PTP4A1: variants seen among roughly 807,000 people sequenced by gnomAD.
PTP4A1 encodes protein tyrosine phosphatase type IVA 1.
In PTP4A1, 9 loss-of-function variants were observed where a neutral mutation model predicts 20.5. The ratio of observed to expected loss-of-function variants is 0.44; its 90% CI spans 0.26 to 0.77. The LOEUF (loss-of-function observed/expected upper bound fraction) is 0.77, where lower values mean the gene tolerates loss of function less well. PTP4A1 is among the 30% of genes least tolerant of loss of function. The pLI is 0.19. For synonymous variants in PTP4A1, 78 were observed against 67.4 expected (o/e 1.16, Z -0.77); for missense variants, 137 against 218.8 (o/e 0.63, Z 2.36).
chr6:63,551,685 C>T (rs949726635), intron 3 of PTP4A1, among the ~76,000 whole-genome samples: 1 of 149,858 alleles, frequency 6.7e-6, no homozygotes, highest in Admixed American at 6.7e-5. Context: ...ATCCCTCCCC[C>T]CTCCCCCTAC....
At chr6:63,559,813 G>GCA (rs1776856325) in intron 3 of PTP4A1, among the ~76,000 whole-genome samples, 1 of 152,132 alleles carries the variant, frequency 6.6e-6, no homozygotes, top group Non-Finnish European at 1.5e-5. Context: ...CTAGCACTTT[G>GCA]GGAGTCTGAG....
intron 1 of PTP4A1, among the ~76,000 whole-genome samples, chr6:63,574,541 T>G (rs1777724382): frequency 6.6e-6 from 1 of 152,184 alleles, no homozygotes; most frequent in African/African-American, 2.4e-5. Flanking sequence ...AGGGAATTCT[T>G]AATATAGTTC....
intron 2 of PTP4A1, among the ~76,000 whole-genome samples, chr6:63,530,316 C>G (rs529060159): frequency 6.6e-6 from 1 of 152,154 alleles, no homozygotes; most frequent in African/African-American, 2.4e-5. Flanking sequence ...CAGCTACAGA[C>G]AAAGCCAGCC....
intron 3 of PTP4A1, 148 bp from the exon 4 acceptor site, chr6:63,578,750 A>C (rs1778032081): frequency 9.0e-7 from 1 of 1,110,742 alleles, no homozygotes; most frequent in Admixed American, 3.5e-5. Flanking sequence ...GCATTTAGTC[A>C]CATTTGGTAG....
intron 3 of PTP4A1, among the ~76,000 whole-genome samples, chr6:63,563,807 C>T (rs1205496516): frequency 2.0e-5 from 3 of 152,102 alleles, no homozygotes; most frequent in Non-Finnish European, 4.4e-5. Flanking sequence ...CTCCAGTGAA[C>T]ACCATTGTTA....
chr6:63,549,189 T>C, intron 2 of PTP4A1: 1 of 692,644 alleles, frequency 1.4e-6, no homozygotes, highest in South Asian at 1.6e-5. Flanking sequence ...CTTCTCTTGC[T>C]TAGTCTCTGA....
intron 2 of PTP4A1, among the ~76,000 whole-genome samples, chr6:63,543,179 C>T (rs769335132): frequency 6.6e-6 from 1 of 152,206 alleles, no homozygotes; most frequent in Non-Finnish European, 1.5e-5. Flanking sequence ...GCTAGGGTGT[C>T]TCATGTCTCA....
At chr6:63,548,843 G>A (rs1776311672) in intron 2 of PTP4A1, 2 of 758,600 alleles carry the variant, frequency 2.6e-6, no homozygotes, top group Non-Finnish European at 2.4e-6. Flanking sequence ...AGTCAGTCCT[G>A]ATAGCTCCCA....
chr6:63,541,254 A>C (rs1775958676), intron 2 of PTP4A1, among the ~76,000 whole-genome samples: 1 of 152,094 alleles, frequency 6.6e-6, no homozygotes, highest in African/African-American at 2.4e-5. Flanking sequence ...CCTCCCTCTT[A>C]GCCAGGTATC....
At chr6:63,540,333 C>A (rs774309856) in intron 2 of PTP4A1, among the ~76,000 whole-genome samples, 17 of 152,170 alleles carry the variant, frequency 1.1e-4, no homozygotes, top group Non-Finnish European at 2.4e-4. Context: ...ATAGATAGAT[C>A]TGAAAATCCA....
chr6:63,562,789 A>T (rs1460014969), intron 3 of PTP4A1, among the ~76,000 whole-genome samples: 2 of 152,184 alleles, frequency 1.3e-5, no homozygotes, highest in African/African-American at 4.8e-5. Context: ...ACCCTCAGAA[A>T]TAGTGTCTTT....
intron 3 of PTP4A1, among the ~76,000 whole-genome samples, chr6:63,553,704 T>C (rs778593716): frequency 9.2e-5 from 14 of 152,160 alleles, no homozygotes; most frequent in Non-Finnish European, 2.1e-4. Context: ...TTTAGTATCT[T>C]TGTGTATAGG....
chr6:63,572,433 T>A (rs1022980803), upstream of PTP4A1: 2 of 365,452 alleles, frequency 5.5e-6, no homozygotes, highest in Non-Finnish European at 9.7e-6. Context: ...GGCTGGAGGG[T>A]TGCACGTCGC....
At chr6:63,563,885 G>T (rs2149497806) in intron 3 of PTP4A1, among the ~76,000 whole-genome samples, 1 of 152,324 alleles carries the variant, frequency 6.6e-6, no homozygotes, top group South Asian at 2.1e-4. Flanking sequence ...TGCCCTAATA[G>T]AATTTTATGT....
chr6:63,579,206 A>G, intron 4 of PTP4A1, 51 bp from the exon 5 acceptor site: 1 of 1,534,782 alleles, frequency 6.5e-7, no homozygotes, highest in Middle Eastern at 1.7e-4. Flanking sequence ...AAATAAATTT[A>G]CAAAGATCTG....
At chr6:63,533,834 TA>T in intron 2 of PTP4A1, among the ~76,000 whole-genome samples, 1 of 151,632 alleles carries the variant, frequency 6.6e-6, no homozygotes, top group Non-Finnish European at 1.5e-5. Flanking sequence ...CAAACTTTTT[TA>T]ATTAATTAAT....
At chr6:63,546,591 A>G (rs1776189890) in intron 2 of PTP4A1, among the ~76,000 whole-genome samples, 2 of 152,214 alleles carry the variant, frequency 1.3e-5, no homozygotes, top group South Asian at 4.1e-4. Flanking sequence ...CTGTAATCCC[A>G]GCTACTTGGG....
At chr6:63,540,870 G>A (rs1174150369) in intron 2 of PTP4A1, among the ~76,000 whole-genome samples, 1 of 151,660 alleles carries the variant, frequency 6.6e-6, no homozygotes, top group East Asian at 1.9e-4. Flanking sequence ...GGTCTTGGTG[G>A]CGGTCACCTA....
At chr6:63,580,033 ATTT>A (rs56188808) in intron 5 of PTP4A1, 21 bp from the exon 6 acceptor site, 3,427 of 1,359,320 alleles carry the variant, frequency 2.5e-3, no homozygotes, top group Non-Finnish European at 2.7e-3. Context: ...GCCTTGTTTC[ATTT>A]TTTTTTTTTT....
Sources: allele counts gnomAD v4.1 joint callset (sites outside exome capture counted in the v4.1 genomes callset), GRCh38; gene constraint gnomAD v4.1.1; transcripts MANE v1.5; gene names NCBI Gene and HGNC (gene_info 2026-07-23, HGNC 2026-07-21).